GBE1: variants seen among roughly 807,000 people sequenced by gnomAD.
GBE1 encodes the protein 1,4-alpha-glucan-branching enzyme.
In GBE1, 70 loss-of-function variants were observed where a neutral mutation model predicts 88.8. That is an observed-to-expected ratio of 0.79 (90% confidence interval 0.65 to 0.96). The LOEUF (loss-of-function observed/expected upper bound fraction) is 0.96. Ranked by LOEUF, GBE1 falls within the 40% of genes least tolerant of loss-of-function variation. The pLI, the probability that GBE1 is intolerant of heterozygous loss-of-function variation, is 0.00. For synonymous variants in GBE1, 284 were observed against 300.1 expected (o/e 0.95, Z 0.56); for missense variants, 872 against 871.0 (o/e 1.00, Z -0.01).
intron 15 of GBE1, among the ~76,000 whole-genome samples, chr3:81,496,575 T>C (rs1232646386): frequency 2.6e-5 from 4 of 152,204 alleles, no homozygotes; most frequent in Non-Finnish European, 4.4e-5. Context: ...ATGAGTGATC[T>C]CACTGGAAGT....
chr3:81,752,796 A>G (rs1030168417), intron 1 of GBE1, among the ~76,000 whole-genome samples: 24 of 152,344 alleles, frequency 1.6e-4, no homozygotes, highest in South Asian at 8.3e-4. Context: ...TTAACTAGCA[A>G]AACAAAGAGT....
chr3:81,646,452 A>G lies in GBE1; in HGVS notation c.722T>C (p.Met241Thr), dbSNP rs1174289864. The G allele has an allele frequency of 1.9e-6, 3 of 1,604,536 alleles. No homozygotes were observed. Among genetic ancestry groups the G allele is most frequent in the South Asian group, 2.3e-5 (2 of 88,720 alleles). ...GYNCIQLMAI[M>T]EHAYYASFGY... ...AAAGCTGGCATAGTAAGCATGCTCC[A>G]TGATTGCCATCAACTGAATGCAGTT... Residue 241 changes from methionine (M) to threonine (T), a missense_variant, in exon 6 of 16, where the codon ATG becomes ACG. Met to Thr is a moderately conservative substitution (Grantham distance 81). Transcript: ENST00000429644.
chr3:81,540,284 G>A (rs915633613), intron 12 of GBE1, among the ~76,000 whole-genome samples: 2 of 151,922 alleles, frequency 1.3e-5, no homozygotes, highest in Admixed American at 6.6e-5. Context: ...TACCCTCAAT[G>A]ATATGGATAC....
chr3:81,543,015 AC>A (rs1216997449), intron 12 of GBE1, among the ~76,000 whole-genome samples: 2 of 152,110 alleles, frequency 1.3e-5, no homozygotes, highest in Non-Finnish European at 2.9e-5. Flanking sequence ...TTATATTTTA[AC>A]TTTTATTTCA....
intron 2 of GBE1, among the ~76,000 whole-genome samples, chr3:81,704,806 G>A (rs1576206324): frequency 6.6e-6 from 1 of 152,018 alleles, no homozygotes; most frequent in Non-Finnish European, 1.5e-5. Flanking sequence ...TTGTATTACA[G>A]TTATTTACAT....
intron 9 of GBE1, among the ~76,000 whole-genome samples, chr3:81,588,823 C>G (rs775273736): frequency 2.0e-5 from 3 of 152,086 alleles, no homozygotes; most frequent in Non-Finnish European, 2.9e-5. Flanking sequence ...CTGATCAAAG[C>G]CTTCTTCTAC....
intron 1 of GBE1, among the ~76,000 whole-genome samples, chr3:81,751,417 A>C (rs1028733758): frequency 6.6e-6 from 1 of 152,248 alleles, no homozygotes; most frequent in Non-Finnish European, 1.5e-5. Context: ...GAAAGCCTTG[A>C]TGATCCAGGC....
intron 7 of GBE1, among the ~76,000 whole-genome samples, chr3:81,640,459 C>A (rs1051668839): frequency 3.3e-5 from 5 of 152,042 alleles, no homozygotes; most frequent in African/African-American, 9.7e-5. Flanking sequence ...TCACCACAGA[C>A]TGAAGGCTGC....
At chr3:81,713,696 T>A (rs1163480529) in intron 1 of GBE1, among the ~76,000 whole-genome samples, 1 of 152,320 alleles carries the variant, frequency 6.6e-6, no homozygotes, top group South Asian at 2.1e-4. Flanking sequence ...TATTTCTTAT[T>A]TTTAAAATGT....
At chr3:81,714,517 TTAA>T (rs1187441412) in intron 1 of GBE1, among the ~76,000 whole-genome samples, 1 of 152,078 alleles carries the variant, frequency 6.6e-6, no homozygotes, top group Non-Finnish European at 1.5e-5. Flanking sequence ...AACAGAAAAA[TTAA>T]TAGACTATTA....
chr3:81,698,230 A>G lies in GBE1; in HGVS notation c.313+7214T>C, dbSNP rs149778520. On this transcript the variant is annotated intron_variant, in intron 2 of 15. Transcript: ENST00000429644. The stretch of plus-strand genomic sequence containing the variant: ...GCCAAAAGTTGGTATGTATGTTGAA[A>G]ATATTAGTTAAAAGAGGGAGTAATA... Among the ~76,000 whole-genome samples the G allele has an allele frequency of 1.1e-4, 17 of 152,022 alleles. No individual in the cohort carries two copies. The East Asian group carries it at 2.7e-3, about 24-fold the overall frequency.
At chr3:81,528,446 C>A (rs1418126373) in intron 14 of GBE1, among the ~76,000 whole-genome samples, 1 of 151,946 alleles carries the variant, frequency 6.6e-6, no homozygotes, top group East Asian at 1.9e-4. Context: ...GGAGAACTTG[C>A]CTTTTGCAGC....
At chr3:81,565,001 T>C (rs140506416) in intron 12 of GBE1, among the ~76,000 whole-genome samples, 65 of 152,288 alleles carry the variant, frequency 4.3e-4, no homozygotes, top group Non-Finnish European at 7.8e-4. Context: ...CAGGTAATTG[T>C]AGCAGCACTT....
At chr3:81,615,844 A>C (rs1240466740) in intron 7 of GBE1, among the ~76,000 whole-genome samples, 1 of 152,210 alleles carries the variant, frequency 6.6e-6, no homozygotes, top group East Asian at 1.9e-4. Flanking sequence ...TAGTTTTACA[A>C]GAAACTACTA....
chr3:81,614,111 G>T (rs1465181642), intron 7 of GBE1, among the ~76,000 whole-genome samples: 1 of 152,078 alleles, frequency 6.6e-6, no homozygotes, highest in Admixed American at 6.6e-5. Context: ...AACTCCTGGG[G>T]TCAAGTGATC....
At chr3:81,525,900 C>A (rs919280099) in intron 14 of GBE1, among the ~76,000 whole-genome samples, 1 of 151,830 alleles carries the variant, frequency 6.6e-6, no homozygotes, top group Non-Finnish European at 1.5e-5. Context: ...TTTTTTATTG[C>A]ATCTACTTGA....
intron 7 of GBE1, among the ~76,000 whole-genome samples, chr3:81,628,412 C>CT (rs373530176): frequency 1.7e-3 from 257 of 152,120 alleles, no homozygotes; most frequent in African/African-American, 5.9e-3. Context: ...CTTGTGGACT[C>CT]TAACAGTGAG....
At chr3:81,606,221 G>A (rs184060598) in intron 7 of GBE1, among the ~76,000 whole-genome samples, 2 of 152,254 alleles carry the variant, frequency 1.3e-5, no homozygotes, top group Admixed American at 1.3e-4. Context: ...GAAATTTAGA[G>A]AATTCAGTCT....
At chr3:81,676,064 GCTTA>G (rs1705246812) in intron 2 of GBE1, among the ~76,000 whole-genome samples, 1 of 151,780 alleles carries the variant, frequency 6.6e-6, no homozygotes, top group Non-Finnish European at 1.5e-5. Flanking sequence ...CTTTTCTCTA[GCTTA>G]CTTAGTTGTA....
Sources: allele counts gnomAD v4.1 joint callset (sites outside exome capture counted in the v4.1 genomes callset), GRCh38; gene constraint gnomAD v4.1.1; transcripts MANE v1.5; gene names NCBI Gene and HGNC (gene_info 2026-07-23, HGNC 2026-07-21).